Variants in PARP14 observed in about 807,000 individuals in gnomAD.
PARP14 encodes the protein protein mono-ADP-ribosyltransferase PARP14.
Under a neutral mutation model 154.2 loss-of-function variants are expected in PARP14, and 59 were observed. The observed-to-expected ratio is 0.38, with a 90% confidence interval of 0.31 to 0.48. PARP14 has a LOEUF of 0.48. Among genes scored for constraint, PARP14 ranks in the 20% least tolerant of loss-of-function variants. PARP14 has a pLI of 0.98. For missense variants in PARP14, 1,734 were observed against 2,131.6 expected (o/e 0.81, Z 3.67); for synonymous variants, 720 against 780.5 (o/e 0.92, Z 1.29).
At chr3:122,682,898 C>G (rs145208507) in intron 1 of PARP14, among the ~76,000 whole-genome samples, 100 of 151,994 alleles carry the variant, frequency 6.6e-4, no homozygotes, top group African/African-American at 2.0e-3. Context: ...CTAAAACACA[C>G]AAAAAAATTA....
At chr3:122,704,144 T>G (rs1330220362) in intron 7 of PARP14, among the ~76,000 whole-genome samples, 166 bp downstream of exon 7, 2 of 152,244 alleles carry the variant, frequency 1.3e-5, no homozygotes, top group Non-Finnish European at 2.9e-5. Context: ...TGTAGCTGAC[T>G]TCTCCTGAGG....
intron 15 of PARP14, among the ~76,000 whole-genome samples, chr3:122,726,053 C>G (rs1933279590): frequency 6.6e-6 from 1 of 152,098 alleles, no homozygotes; most frequent in Non-Finnish European, 1.5e-5. Context: ...ATACTTTAAG[C>G]CTTATTTATC....
Position 122,681,247 on chromosome 3 carries a change from C to A in PARP14, c.187+177C>A, listed in dbSNP as rs1287652916. On this transcript the variant is annotated intron_variant, in intron 1 of 16. Transcript: ENST00000474629. The surrounding 1 kb of genome is among the most constrained non-coding windows in gnomAD (Gnocchi z 5.5). ...GAATGGATTCCGAGCGCACCCGGGG[C>A]GCTGCGGTTCCCCGGCGCCCTGCGC... Among the ~76,000 whole-genome samples, 1 of 151,468 alleles carries A rather than the reference C, an allele frequency of 6.6e-6. No homozygotes were observed. The highest frequency in any genetic ancestry group is 6.6e-5 in the Admixed American group (1 of 15,228).
At chr3:122,694,169 G>A (rs112395668) in intron 4 of PARP14, among the ~76,000 whole-genome samples, 5,119 of 152,260 alleles carry the variant, frequency 0.034, 117 homozygotes, top group Middle Eastern at 0.088. Context: ...TCTAAGCTGT[G>A]AACAAAAAGC....
Position 122,728,967 on chromosome 3 carries a change from T to C in PARP14, c.*370T>C. ...GCAGGAGACAGGCCCCATGTCAGGA[T>C]GCCATAGTGCTGTGGGGAGCACAGT... On this transcript the variant is annotated 3_prime_UTR_variant, in exon 17 of 17. Coordinates refer to ENST00000474629, the MANE Select transcript of PARP14 (RefSeq NM_017554.3). 4.3e-6 allele frequency: 1 copy of C among 231,912 alleles called. No homozygotes were observed. Among genetic ancestry groups the C allele is most frequent in the Non-Finnish European group, 8.6e-6 (1 of 116,546 alleles). The allele number at this position is 231,912 out of a possible 1,614,324, so 14.4% of individuals were successfully genotyped here.
Position 122,685,217 on chromosome 3 carries a change from G to T in PARP14, c.220G>T (p.Glu74Ter). The part of the protein sequence containing the change: ...RQKVLERKNH[E>*]LVWQGKGTFK... The stretch of plus-strand genomic sequence containing the variant: ...GAAGGTTCTGGAGAGAAAAAATCAT[G>T]AGTTGGTATGGCAAGGAAAAGGAAC... Residue 74 changes from glutamate to a stop codon, truncating the protein, a stop_gained, in exon 2 of 17, where the codon GAG becomes TAG. Transcript: ENST00000474629. LOFTEE classifies it high-confidence loss of function. The T allele has an allele frequency of 6.2e-7, 1 of 1,613,916 alleles. No individual in the cohort carries two copies. Among genetic ancestry groups the T allele is most frequent in the Non-Finnish European group, 8.5e-7 (1 of 1,179,830 alleles).
chr3:122,698,104 T>C (rs1938837198), intron 5 of PARP14, among the ~76,000 whole-genome samples: 1 of 152,208 alleles, frequency 6.6e-6, no homozygotes, highest in African/African-American at 2.4e-5. Flanking sequence ...TCATAAATAC[T>C]GCCCAGGCTC....
In PARP14 at chr3:122,718,653, G is replaced by T. The variant is rs780385854; in HGVS notation, c.4502G>T (p.Ser1501Ile). The T allele has an allele frequency of 6.2e-7, 1 of 1,613,956 alleles. No homozygotes were observed. Among genetic ancestry groups the T allele is most frequent in the Non-Finnish European group, 8.5e-7 (1 of 1,179,864 alleles). Reference protein sequence around the residue: ...KRPLIKVLGISRDVMQARDEI... With the variant: ...KRPLIKVLGIIRDVMQARDEI... ...CCTTTGATTAAGGTTTTGGGAATTA[G>T]CAGAGATGTGATGCAGGCTAGAGAT... Residue 1501 changes from serine to isoleucine, a missense_variant, in exon 14 of 17, where the codon AGC (serine) becomes ATC (isoleucine). Coordinates refer to ENST00000474629, the MANE Select transcript of PARP14 (RefSeq NM_017554.3).
intron 12 of PARP14, 72 bp from the exon 13 acceptor site, chr3:122,717,999 C>A: frequency 8.7e-7 from 1 of 1,146,088 alleles, no homozygotes; most frequent in Non-Finnish European, 1.3e-6. Flanking sequence ...GCATTGGAAA[C>A]CCTAATTTAT....
In PARP14 at chr3:122,728,369, G is replaced by A. The variant is rs575078215; in HGVS notation, c.5178G>A (p.Thr1726=). 25 of 1,612,978 alleles carry A rather than the reference G, an allele frequency of 1.5e-5. No homozygotes were observed. The highest frequency in any genetic ancestry group is 6.7e-5 in the African/African-American group (5 of 75,018). Residue 1726 remains threonine (T), a synonymous_variant, in exon 17 of 17, where the codon ACG becomes ACA. Coordinates refer to ENST00000474629, the MANE Select transcript of PARP14 (RefSeq NM_017554.3). The part of the protein sequence containing the change: ...AVNANYSAND[T]YSRPDANGRK... ...ATGCCAATTATTCTGCCAATGATAC[G>A]TACTCCAGACCAGATGCAAATGGGA...
rs146556629 is a variant in PARP14, at chr3:122,714,506, G to A, written c.4000+77G>A. 233 of 1,188,060 alleles carry A rather than the reference G, an allele frequency of 2.0e-4. 1 individual carries two copies. In the East Asian group the frequency reaches 4.2e-3, roughly 21 times the overall value. 73.6% of individuals were successfully genotyped at this position (1,188,060 alleles called of 1,614,324 possible). Reference sequence around the variant, plus strand: ...TTCATTTGGAGCTGAGTGTGAATGCGGTCAGTGCTGAGTCTGACCCAGGGC... The same window carrying A: ...TTCATTTGGAGCTGAGTGTGAATGCAGTCAGTGCTGAGTCTGACCCAGGGC... On this transcript the variant is annotated intron_variant, in intron 12 of 16. Coordinates refer to ENST00000474629, the MANE Select transcript of PARP14 (RefSeq NM_017554.3).
intron 15 of PARP14, among the ~76,000 whole-genome samples, chr3:122,725,381 G>A (rs1251509452): frequency 2.6e-5 from 4 of 151,746 alleles, no homozygotes; most frequent in African/African-American, 7.3e-5. Flanking sequence ...CGGGGCAGCG[G>A]CCGGGCAAAG....
chr3:122,710,811 A>T (rs1161361005), intron 9 of PARP14, among the ~76,000 whole-genome samples: 1 of 148,002 alleles, frequency 6.8e-6, no homozygotes, highest in East Asian at 2.0e-4. Flanking sequence ...TTATTTATTT[A>T]TTTATTTATT....
intron 9 of PARP14, among the ~76,000 whole-genome samples, chr3:122,710,655 A>AT (rs1257642833): frequency 1.3e-5 from 2 of 151,990 alleles, no homozygotes; most frequent in African/African-American, 4.8e-5. Flanking sequence ...CAGAATGGTC[A>AT]TTTTCACAAT....
At chr3:122,715,103 GTT>G (rs549641159) in intron 12 of PARP14, among the ~76,000 whole-genome samples, 1 of 146,842 alleles carries the variant, frequency 6.8e-6, no homozygotes, top group African/African-American at 2.5e-5. Context: ...TAATTAGGTG[GTT>G]TTTTTTTTTT....
intron 6 of PARP14, among the ~76,000 whole-genome samples, chr3:122,702,087 T>C (rs1938996920): frequency 6.6e-6 from 1 of 152,152 alleles, no homozygotes; most frequent in South Asian, 2.1e-4. Flanking sequence ...TAAGGGGCCA[T>C]CAGCGCCCAA....
chr3:122,699,959 G>GA lies in PARP14; in HGVS notation c.1411dup (p.Met471AsnfsTer33). ...TAAAAGGGAAGAGCAAAGTTTGAAG[G>GA]AAAAAATGATCATTTCTCCAGGCAG... On this transcript the variant is annotated frameshift_variant, in exon 6 of 17. Transcript: ENST00000474629. LOFTEE classifies it high-confidence loss of function. 1.9e-6 allele frequency: 3 copies of GA among 1,613,788 alleles called. No homozygotes were observed. The highest frequency in any genetic ancestry group is 2.5e-6 in the Non-Finnish European group (3 of 1,179,776).
Position 122,718,582 on chromosome 3 carries a change from G to T in PARP14, c.4431G>T (p.Glu1477Asp). ...AAAAGGAGTATCAGGAGTTGAATGA[G>T]CTGCAGAAGAAGTTAAATATTAACA... ...FDEKEYQELN[E>D]LQKKLNINIS... The change falls in exon 14 of 17, where the codon GAG (glutamate) becomes GAT (aspartate). Residue 1477 changes from glutamate (E) to aspartate (D), a missense_variant. Physicochemically the swap from Glu to Asp is conservative, Grantham distance 45. This residue lies in a region of PARP14 where 1,646 missense variants were observed against 1,976.0 expected (regional missense o/e 0.83). Transcript: ENST00000474629. The T allele has an allele frequency of 6.2e-7, 1 of 1,613,924 alleles. No homozygotes were observed. Among genetic ancestry groups the T allele is most frequent in the Non-Finnish European group, 8.5e-7 (1 of 1,179,854 alleles).
At chr3:122,694,739 C>T (rs185386091) in intron 4 of PARP14, among the ~76,000 whole-genome samples, 89 of 152,106 alleles carry the variant, frequency 5.9e-4, no homozygotes, top group African/African-American at 2.1e-3. Context: ...AGGCTTTTCT[C>T]GAACTCCTGA....
Sources: gnomAD v4.1 joint callset for allele counts (sites outside exome capture counted in the v4.1 genomes callset) on GRCh38, gnomAD v4.1.1 for gene constraint, gnomAD v4.1.1 regional missense constraint, Gnocchi (gnomAD v3.1) non-coding constraint, MANE v1.5 for transcripts, NCBI Gene and HGNC (gene_info 2026-07-23, HGNC 2026-07-21) for gene names.